SI: variants seen among roughly 807,000 people sequenced by gnomAD.
SI encodes sucrase-isomaltase.
In SI, 235 loss-of-function variants were observed where a neutral mutation model predicts 253.3. The observed-to-expected ratio is 0.93, with a 90% confidence interval of 0.83 to 1.03. SI has a LOEUF of 1.03. SI is among the 50% of genes least tolerant of loss of function. The pLI, the probability that SI is intolerant of heterozygous loss-of-function variation, is 0.00. For missense variants in SI, 2,442 were observed against 2,211.1 expected (o/e 1.10, Z -2.09); for synonymous variants, 819 against 712.0 (o/e 1.15, Z -2.39).
chr3:165,051,436 AT>A (rs985409727), intron 13 of SI, among the ~76,000 whole-genome samples: 2 of 151,954 alleles, frequency 1.3e-5, no homozygotes, highest in Admixed American at 6.6e-5. Flanking sequence ...ACATTGAGTT[AT>A]TTTTTTGAAA....
intron 44 of SI, among the ~76,000 whole-genome samples, 181 bp downstream of exon 44, chr3:164,991,172 T>C (rs1230743505): frequency 6.6e-6 from 1 of 152,154 alleles, no homozygotes; most frequent in African/African-American, 2.4e-5. Context: ...ATAAAGTTCC[T>C]GTTTCTTGCT....
chr3:165,043,016 G>A (rs1192717919), intron 17 of SI, 43 bp downstream of exon 17: 1 of 1,110,870 alleles, frequency 9.0e-7, no homozygotes, highest in East Asian at 2.4e-5. Context: ...TAAAAACTAT[G>A]GTTGTTTTTT....
In SI at chr3:165,049,250, A is replaced by C; in HGVS notation, c.1598-6T>G. 1 of 1,434,270 alleles carries C rather than the reference A, an allele frequency of 7.0e-7. No individual in the cohort carries two copies. The allele number at this position is 1,434,270 out of a possible 1,614,324, so 88.8% of individuals were successfully genotyped here. On this transcript the variant is annotated splice_region_variant and splice_polypyrimidine_tract_variant and intron_variant, in intron 14 of 47. Coordinates refer to ENST00000264382, the MANE Select transcript of SI (RefSeq NM_001041.4). ...CATGAGTTTGTCAAGAATATCTTTG[A>C]GAAAATACATAAGAAACATTTCTTA...
At chr3:165,029,238 T>C (rs1712090828) in intron 25 of SI, among the ~76,000 whole-genome samples, 1 of 150,908 alleles carries the variant, frequency 6.6e-6, no homozygotes, top group African/African-American at 2.4e-5. Context: ...TAATACCACC[T>C]TACTCCTTCA....
intron 24 of SI, 25 bp from the exon 25 acceptor site, chr3:165,030,892 A>G (rs760345284): frequency 2.0e-5 from 30 of 1,490,388 alleles, no homozygotes; most frequent in East Asian, 1.7e-4. Context: ...AAAAAAAAAG[A>G]AAAAAAGAAA....
In SI at chr3:165,069,199, A is replaced by C. The variant is rs1159783211; in HGVS notation, c.256-4T>G. 3.2e-6 allele frequency: 5 copies of C among 1,584,074 alleles called. No individual in the cohort carries two copies. In the South Asian group the frequency reaches 5.5e-5, roughly 18 times the overall value. ...AGCCTCTCTGTGCACAAATTCCCTGATAAAATATTTTTAAAGGAATTATAT... is the reference window on the plus strand; with the variant it reads ...AGCCTCTCTGTGCACAAATTCCCTGCTAAAATATTTTTAAAGGAATTATAT... On this transcript the variant is annotated splice_region_variant and splice_polypyrimidine_tract_variant and intron_variant, in intron 3 of 47. Transcript: ENST00000264382.
At chr3:165,033,278 A>C in intron 23 of SI, 117 bp downstream of exon 23, 1 of 761,466 alleles carries the variant, frequency 1.3e-6, no homozygotes. Context: ...ATTTCATTAC[A>C]TTCCATTAAA....
At chr3:165,004,756 T>C (rs1163885290) in intron 37 of SI, among the ~76,000 whole-genome samples, 1 of 152,056 alleles carries the variant, frequency 6.6e-6, no homozygotes, top group Non-Finnish European at 1.5e-5. Context: ...AAGCAAAACA[T>C]TGAACTCATG....
chr3:164,992,604 T>C (rs781348985), intron 41 of SI, among the ~76,000 whole-genome samples: 2 of 151,924 alleles, frequency 1.3e-5, no homozygotes, highest in African/African-American at 2.4e-5. Flanking sequence ...ATCTAGACTA[T>C]GACTAAATTT....
intron 44 of SI, among the ~76,000 whole-genome samples, chr3:164,988,605 G>A (rs535912518): frequency 2.0e-5 from 3 of 152,234 alleles, no homozygotes; most frequent in Admixed American, 2.0e-4. Context: ...ATGGACCTGG[G>A]TGGGTCCAGT....
chr3:164,983,347 A>G (rs1362748925), intron 45 of SI, among the ~76,000 whole-genome samples: 1 of 152,184 alleles, frequency 6.6e-6, no homozygotes, highest in Non-Finnish European at 1.5e-5. Flanking sequence ...AACAGTGGGA[A>G]GGTGGCAAGA....
At chr3:165,079,909 C>A (rs1715239081), upstream of SI, among the ~76,000 whole-genome samples, 1 of 151,796 alleles carries the variant, frequency 6.6e-6, no homozygotes, top group Admixed American at 6.6e-5. Flanking sequence ...TATTCATAGA[C>A]TGCAAAACTC....
intron 37 of SI, among the ~76,000 whole-genome samples, chr3:165,004,139 TA>T (rs1393988509): frequency 2.0e-5 from 3 of 151,998 alleles, no homozygotes; most frequent in Non-Finnish European, 4.4e-5. Context: ...ATGGGCAAAA[TA>T]TTTGAATAGG....
At chr3:165,003,883 G>A (rs1160328687) in intron 37 of SI, among the ~76,000 whole-genome samples, 1 of 151,868 alleles carries the variant, frequency 6.6e-6, no homozygotes, top group East Asian at 1.9e-4. Context: ...AAATGAAAGA[G>A]GAATGAGAAG....
chr3:165,051,436 A>AT (rs985409727), intron 13 of SI, among the ~76,000 whole-genome samples: 1 of 152,072 alleles, frequency 6.6e-6, no homozygotes, highest in South Asian at 2.1e-4. Context: ...ACATTGAGTT[A>AT]TTTTTTTGAA....
intron 26 of SI, among the ~76,000 whole-genome samples, chr3:165,022,709 AT>A (rs1711692415): frequency 6.6e-6 from 1 of 151,566 alleles, no homozygotes; most frequent in Non-Finnish European, 1.5e-5. Context: ...AATTGTATGA[AT>A]TTTTATTCTT....
At chr3:165,079,787 A>C (rs185767896), upstream of SI, among the ~76,000 whole-genome samples, 1 of 151,824 alleles carries the variant, frequency 6.6e-6, no homozygotes, top group Non-Finnish European at 1.5e-5. Context: ...TGAAACTACA[A>C]TATAGATATA....
chr3:165,043,958 T>C (rs1004077891), intron 16 of SI, among the ~76,000 whole-genome samples: 18 of 151,962 alleles, frequency 1.2e-4, no homozygotes, highest in Non-Finnish European at 2.2e-4. Flanking sequence ...GCATCCCTAA[T>C]CCAAAAATCC....
chr3:165,087,634 G>A, the SI span, among the ~76,000 whole-genome samples: 1 of 152,020 alleles, frequency 6.6e-6, no homozygotes, highest in Non-Finnish European at 1.5e-5. Flanking sequence ...CACAACAAAG[G>A]CCTAGCAAAG....
Sources: allele counts gnomAD v4.1 joint callset (sites outside exome capture counted in the v4.1 genomes callset), GRCh38; gene constraint gnomAD v4.1.1; transcripts MANE v1.5; gene names NCBI Gene and HGNC (gene_info 2026-07-23, HGNC 2026-07-21).